The following ALKBH2 variants were observed in gnomAD, a reference collection of about 807,000 sequenced individuals.
ALKBH2 encodes the protein DNA oxidative demethylase ALKBH2.
A neutral mutation model predicts 19.7 loss-of-function variants in ALKBH2; 19 were observed. That is an observed-to-expected ratio of 0.97 (90% confidence interval 0.67 to 1.42). The LOEUF (loss-of-function observed/expected upper bound fraction) is 1.42. Among genes scored for constraint, ALKBH2 ranks in the 40% most tolerant of loss-of-function variants. ALKBH2 has a pLI of 0.00. For synonymous variants in ALKBH2, 135 were observed against 131.2 expected, an observed-to-expected ratio of 1.03 and a Z score of -0.20; for missense variants, 310 against 328.5, an observed-to-expected ratio of 0.94 and a Z score of 0.43.
chr12:109,092,440 A>G (rs2042075185), intron 2 of ALKBH2, 67 bp downstream of exon 2: 1 of 1,459,598 alleles, frequency 6.9e-7, no homozygotes, highest in East Asian at 2.5e-5. Context: ...CTCCAAACAT[A>G]CGATCATTAA....
intron 2 of ALKBH2, 64 bp from the exon 3 acceptor site, chr12:109,090,271 C>A: frequency 6.8e-7 from 1 of 1,469,742 alleles, no homozygotes; most frequent in African/African-American, 1.4e-5. Context: ...CAGATGCCCC[C>A]CCCAACCCGC....
Position 109,092,538 on chromosome 12 carries a change from T to C in ALKBH2, c.249A>G (p.Gln83=), listed in dbSNP as rs1223462486. The change falls in exon 2 of 4, where the codon CAA becomes CAG. Residue 83 remains glutamine (Q), a synonymous_variant. Transcript: ENST00000429722. ...AATATTCTACTTCTTTCTCCAACTC[T>C]TGGAAAATCTCATCTGCCTCAGCTT... ...FGKAEADEIF[Q]ELEKEVEYFT... is the part of the protein sequence containing the mutation. The C allele has an allele frequency of 3.1e-6, 5 of 1,599,676 alleles. No homozygotes were observed. The African/African-American group carries it at 5.4e-5, about 17-fold the overall frequency.
At position 109,092,957 on chromosome 12, in the gene ALKBH2, T is replaced by C. The variant is rs2135872518; in HGVS notation, c.-151-20A>G. 2.1e-6 allele frequency: 3 copies of C among 1,419,606 alleles called. No homozygotes were observed. Among genetic ancestry groups the C allele is most frequent in the Non-Finnish European group, 2.7e-6 (3 of 1,092,370 alleles). 87.9% of individuals were successfully genotyped at this position (1,419,606 alleles called of 1,614,324 possible). On this transcript the variant is annotated intron_variant, in intron 1 of 3. Coordinates refer to ENST00000429722, the MANE Select transcript of ALKBH2 (RefSeq NM_001145374.2). ...CATGTCCTAGAAAGGAAACAGAAGA[T>C]GTTAAAGCCGGAAGGGACCCTAGGG... is the stretch of plus-strand genomic sequence containing the variant.
rs753302965 is a variant in ALKBH2 at position 109,092,649 on chromosome 12, T to C, written c.138A>G (p.Pro46=). Reference sequence around the variant, plus strand: ...GGCCTGCTGAGTGGCCTCCATTCCCTGGGGCCTCTCTCCTGGGCCTCTTCC... The same window carrying C: ...GGCCTGCTGAGTGGCCTCCATTCCCCGGGGCCTCTCTCCTGGGCCTCTTCC... ...STRKRPRREA[P]GNGGHSAGPS... The change falls in exon 2 of 4, where the codon CCA becomes CCG. Residue 46 remains proline (P), a synonymous_variant. Transcript: ENST00000429722. 6 of 1,614,222 alleles carry C rather than the reference T, an allele frequency of 3.7e-6. No individual in the cohort carries two copies. The highest frequency in any genetic ancestry group is 1.6e-4 in the Middle Eastern group (1 of 6,062).
At chr12:109,090,519 C>T (rs1003078446) in intron 2 of ALKBH2, among the ~76,000 whole-genome samples, 1 of 152,208 alleles carries the variant, frequency 6.6e-6, no homozygotes, top group African/African-American at 2.4e-5. Context: ...CCTCCACCTC[C>T]CGTGCTCCAG....
rs1593309836 is a variant in ALKBH2 at position 109,088,431 on chromosome 12, G to A, written c.561C>T (p.Val187=). The part of the protein sequence containing the change: ...ELAPGSPIAS[V]SFGACRDFVF... ...CAAAGTCTCTGCAGGCACCGAAGGA[G>A]ACAGAGGCAATGGGGCTCCCAGGGG... Residue 187 remains valine, a synonymous_variant, in exon 4 of 4, where the codon GTC becomes GTT. Coordinates refer to ENST00000429722, the MANE Select transcript of ALKBH2 (RefSeq NM_001145374.2). This position sits in a 1 kb window ranked among gnomAD's most constrained non-coding sequence, Gnocchi z 4.2. 5.6e-6 allele frequency: 9 copies of A among 1,613,708 alleles called. No individual in the cohort carries two copies. In the East Asian group the frequency reaches 2.0e-4, roughly 36 times the overall value.
In ALKBH2 at chr12:109,088,297, G is replaced by T; in HGVS notation, c.695C>A (p.Thr232Lys). 1 of 1,614,186 alleles carries T rather than the reference G, an allele frequency of 6.2e-7. No individual in the cohort carries two copies. Among genetic ancestry groups the T allele is most frequent in the Non-Finnish European group, 8.5e-7 (1 of 1,180,036 alleles). The change falls in exon 4 of 4, where the codon ACG (threonine) becomes AAG (lysine). Residue 232 changes from threonine (T) to lysine (K), a missense_variant. By Grantham distance (78) the Thr-to-Lys change is moderately conservative. Transcript: ENST00000429722. This position sits in a 1 kb window ranked among gnomAD's most constrained non-coding sequence, Gnocchi z 4.2. ...CACGGGAAGACTGTGGTACCAGTGC[G>T]TGTTGGTCGGGTGGTTCATCATTAG... is the stretch of plus-strand genomic sequence containing the variant. ...SLLMMNHPTN[T>K]HWYHSLPVRK...
intron 2 of ALKBH2, among the ~76,000 whole-genome samples, chr12:109,091,956 C>G (rs922816387): frequency 9.2e-5 from 14 of 152,278 alleles, no homozygotes; most frequent in African/African-American, 3.1e-4. Context: ...CCTGGACTCT[C>G]CTTAGAAACT....
chr12:109,090,982 C>G (rs2042052230), intron 2 of ALKBH2, among the ~76,000 whole-genome samples: 1 of 152,196 alleles, frequency 6.6e-6, no homozygotes, highest in African/African-American at 2.4e-5. Flanking sequence ...GAAATTGGAA[C>G]ACGATAAAGT....
intron 2 of ALKBH2, among the ~76,000 whole-genome samples, chr12:109,091,534 G>GT (rs1157873045): frequency 6.6e-6 from 1 of 151,738 alleles, no homozygotes. Flanking sequence ...GTGGGCTTTC[G>GT]TTTTTTGTTT....
At chr12:109,091,705 T>G (rs1335452051) in intron 2 of ALKBH2, among the ~76,000 whole-genome samples, 1 of 105,424 alleles carries the variant, frequency 9.5e-6, no homozygotes, top group Non-Finnish European at 2.3e-5. Context: ...GCACAGCTCA[T>G]TTTTTGTTGT....
At position 109,092,839 on chromosome 12, in the gene ALKBH2, G is replaced by A. The variant is rs981033496; in HGVS notation, c.-53C>T. On this transcript the variant is annotated 5_prime_UTR_variant, in exon 2 of 4. Coordinates refer to ENST00000429722, the MANE Select transcript of ALKBH2 (RefSeq NM_001145374.2). ...CAGTGGCGAGGCCAAGACAGAAATT[G>A]CTCAAGTTCTATCCCCAGTGCAAAA... The A allele has an allele frequency of 1.0e-5, 16 of 1,550,036 alleles. No homozygotes were observed. The African/African-American group carries it at 2.1e-4, about 20-fold the overall frequency.
rs753769648 is a variant in ALKBH2 at position 109,092,524 on chromosome 12, T to G, written c.263A>C (p.Glu88Ala). The G allele has an allele frequency of 6.3e-7, 1 of 1,589,028 alleles. No homozygotes were observed. Among genetic ancestry groups the G allele is most frequent in the South Asian group, 1.1e-5 (1 of 87,586 alleles). The change falls in exon 2 of 4, where the codon GAA (glutamate) becomes GCA (alanine). Residue 88 changes from glutamate (E) to alanine (A), a missense_variant. By Grantham distance (107) the Glu-to-Ala change is moderately radical (BLOSUM62 -1). Transcript: ENST00000429722. ...ADEIFQELEK[E>A]VEYFTGALAR... ...CTGCTTACCTGTAAAATATTCTACT[T>G]CTTTCTCCAACTCTTGGAAAATCTC...
intron 2 of ALKBH2, among the ~76,000 whole-genome samples, chr12:109,090,754 T>C (rs1363619613): frequency 6.6e-6 from 1 of 152,230 alleles, no homozygotes; most frequent in Admixed American, 6.5e-5. Context: ...TTGCCTAGAC[T>C]GGTCTTGAAC....
At position 109,088,562 on chromosome 12, in the gene ALKBH2, C is replaced by T. The variant is rs1204852731; in HGVS notation, c.480-50G>A. 1.3e-6 allele frequency: 2 copies of T among 1,505,166 alleles called. No homozygotes were observed. The highest frequency in any genetic ancestry group is 1.8e-6 in the Non-Finnish European group (2 of 1,112,928). 93.2% of individuals were successfully genotyped at this position (1,505,166 alleles called of 1,614,324 possible). On this transcript the variant is annotated intron_variant, in intron 3 of 3. Transcript: ENST00000429722. This position sits in a 1 kb window ranked among gnomAD's most constrained non-coding sequence, Gnocchi z 4.2. ...GCATAAAAACAACCCTCTCCTGAAA[C>T]TCACCAGCACCGCCAGCCCTCGTTT... is the stretch of plus-strand genomic sequence containing the variant.
rs2041996504 is a variant in ALKBH2, at chr12:109,088,278, A to AAGAC, written c.710_713dup (p.Pro239SerfsTer18). Reference sequence around the variant, plus strand: ...GAGCCAGAACCTTCTTTCTCACGGGAAGACTGTGGTACCAGTGCGTGTTGG... The same window carrying AAGAC: ...GAGCCAGAACCTTCTTTCTCACGGGAAGACAGACTGTGGTACCAGTGCGTGTTGG... On this transcript the variant is annotated frameshift_variant, in exon 4 of 4. Transcript: ENST00000429722. LOFTEE classifies it high-confidence loss of function. This position sits in a 1 kb window ranked among gnomAD's most constrained non-coding sequence, Gnocchi z 4.2. The AAGAC allele has an allele frequency of 4.3e-6, 7 of 1,613,982 alleles. No individual in the cohort carries two copies. Among genetic ancestry groups the AAGAC allele is most frequent in the Admixed American group, 1.7e-5 (1 of 60,000 alleles).
rs1181016324 is a variant in ALKBH2 at position 109,092,780 on chromosome 12, T to C, written c.7A>G (p.Arg3Gly). Residue 3 changes from arginine to glycine, a missense_variant, in exon 2 of 4, where the codon AGA becomes GGA. Transcript: ENST00000429722. ...CCTTGAGCCCCTTTCACCAGGAATC[T>C]GTCCATCCTGTCCCCACAGGAAAGA... MD[R>G]FLVKGAQGGL... 7 of 1,610,030 alleles carry C rather than the reference T, an allele frequency of 4.3e-6. No homozygotes were observed. The Admixed American group carries it at 8.4e-5, about 19-fold the overall frequency.
chr12:109,090,535 C>T (rs2042046355), intron 2 of ALKBH2, among the ~76,000 whole-genome samples: 1 of 152,172 alleles, frequency 6.6e-6, no homozygotes, highest in African/African-American at 2.4e-5. Flanking sequence ...TCCAGCAATC[C>T]TCCCGCATCA....
In ALKBH2 at chr12:109,092,855, C is replaced by G. The variant is rs372667570; in HGVS notation, c.-69G>C. 11 of 1,527,234 alleles carry G rather than the reference C, an allele frequency of 7.2e-6. No individual in the cohort carries two copies. In the East Asian group the frequency reaches 1.8e-4, roughly 25 times the overall value. The allele number at this position is 1,527,234 out of a possible 1,614,324, so 94.6% of individuals were successfully genotyped here. A position where few individuals can be genotyped will look rare whatever the true frequency, so the allele number is the denominator to read the frequency against. ...ACAGAAATTGCTCAAGTTCTATCCC[C>G]AGTGCAAAAATCTGTTTGTCCAAGG... On this transcript the variant is annotated 5_prime_UTR_variant, in exon 2 of 4. Coordinates refer to ENST00000429722, the MANE Select transcript of ALKBH2 (RefSeq NM_001145374.2).
Sources: gnomAD v4.1 joint callset for allele counts (sites outside exome capture counted in the v4.1 genomes callset) on GRCh38, gnomAD v4.1.1 for gene constraint, Gnocchi (gnomAD v3.1) non-coding constraint, MANE v1.5 for transcripts, NCBI Gene and HGNC (gene_info 2026-07-23, HGNC 2026-07-21) for gene names.